Variants in GALNT18 observed in about 807,000 individuals in gnomAD.
GALNT18 encodes the protein GalNAc-transferase 18.
In GALNT18, 44 loss-of-function variants were observed where a neutral mutation model predicts 69.5. The ratio of observed to expected loss-of-function variants is 0.63; its 90% confidence interval spans 0.50 to 0.81. The LOEUF (loss-of-function observed/expected upper bound fraction) is 0.81, where lower values mean the gene tolerates loss of function less well. Among genes scored for constraint, GALNT18 ranks in the 40% least tolerant of loss-of-function variants. The probability of loss-of-function intolerance (pLI) is 0.00; values close to 1 mark genes in which losing one functional copy is unlikely to be tolerated. For missense variants in GALNT18, 715 were observed against 810.0 expected (o/e 0.88, Z 1.42); for synonymous variants, 364 against 318.2 (o/e 1.14, Z -1.53).
At position 11,573,688 on chromosome 11, in the gene GALNT18, T is replaced by C. The variant is rs1858849605; in HGVS notation, c.235+47671A>G. ...TCTCCGAGGAGAGAAAGAATTTCTC[T>C]CCAGCCAAAAGCTTCATGAGATGGA... On this transcript the variant is annotated intron_variant, in intron 1 of 10. Coordinates refer to ENST00000227756, the MANE Select transcript of GALNT18 (RefSeq NM_198516.3). The surrounding 1 kb of genome is among the most constrained non-coding windows in gnomAD (Gnocchi z 4.6). The C allele has an allele frequency of 1.3e-5, 2 of 152,180 alleles. No individual in the cohort carries two copies. The highest frequency in any genetic ancestry group is 2.4e-5 in the African/African-American group (1 of 41,446). The allele number at this position is 152,180 out of a possible 1,614,324, so 9.4% of individuals were successfully genotyped here.
Position 11,389,719 on chromosome 11 carries a change from TG to T in GALNT18, c.596-10456del, listed in dbSNP as rs1201358183. Among the ~76,000 whole-genome samples, 1 of 152,068 alleles carries T rather than the reference TG, an allele frequency of 6.6e-6. No individual in the cohort carries two copies. Among genetic ancestry groups the T allele is most frequent in the Non-Finnish European group, 1.5e-5 (1 of 68,010 alleles). ...AGGGCGTACCAAGAACTCAAAGCCT[TG>T]GGAATTGCTGGCAGATAGTGTTTAA... On this transcript the variant is annotated intron_variant, in intron 3 of 10. Transcript: ENST00000227756. This position sits in a 1 kb window ranked among gnomAD's most constrained non-coding sequence, Gnocchi z 4.3.
At chr11:11,310,462 C>T (rs1216280600) in intron 9 of GALNT18, among the ~76,000 whole-genome samples, 6 of 152,148 alleles carry the variant, frequency 3.9e-5, no homozygotes, top group Non-Finnish European at 7.3e-5. Flanking sequence ...AAAAATGCTG[C>T]GGAGATGTAA....
intron 1 of GALNT18, among the ~76,000 whole-genome samples, chr11:11,504,439 GAAAA>G (rs11379207): frequency 6.7e-6 from 1 of 150,154 alleles, no homozygotes; most frequent in Non-Finnish European, 1.5e-5. Flanking sequence ...TTATTGAAAA[GAAAA>G]AAAAAACTTG....
chr11:11,505,005 C>T lies in GALNT18; in HGVS notation c.236-56069G>A, dbSNP rs1337727206. 6.6e-6 allele frequency among the ~76,000 whole-genome samples: 1 copy of T among 152,154 alleles called. No homozygotes were observed. The highest frequency in any genetic ancestry group is 2.4e-5 in the African/African-American group (1 of 41,418). Reference sequence around the variant, plus strand: ...AGGAAGCTACAAGCACATAAACACACAACTGCAACATCAAAGTGTTGGAAG... The same window carrying T: ...AGGAAGCTACAAGCACATAAACACATAACTGCAACATCAAAGTGTTGGAAG... On this transcript the variant is annotated intron_variant, in intron 1 of 10. Transcript: ENST00000227756. The surrounding 1 kb of genome is among the most constrained non-coding windows in gnomAD (Gnocchi z 4.6).
intron 8 of GALNT18, among the ~76,000 whole-genome samples, chr11:11,330,410 C>A (rs560194028): frequency 6.6e-6 from 1 of 152,214 alleles, no homozygotes; most frequent in Non-Finnish European, 1.5e-5. Context: ...CCATCTTCAG[C>A]CAGTTGCCCC....
intron 6 of GALNT18, among the ~76,000 whole-genome samples, chr11:11,363,099 C>T (rs1278967657): frequency 6.6e-6 from 1 of 152,076 alleles, no homozygotes; most frequent in Admixed American, 6.6e-5. Flanking sequence ...AATATATATT[C>T]ACATTTTCTT....
intron 3 of GALNT18, among the ~76,000 whole-genome samples, chr11:11,385,376 A>G (rs902226750): frequency 4.6e-5 from 7 of 151,878 alleles, no homozygotes; most frequent in Non-Finnish European, 7.4e-5. Context: ...GCTCACTGCA[A>G]GCTCCGCCTC....
chr11:11,290,076 G>A (rs1849270256), intron 10 of GALNT18, among the ~76,000 whole-genome samples: 1 of 152,068 alleles, frequency 6.6e-6, no homozygotes, highest in Admixed American at 6.6e-5. Context: ...AGAGGCCACT[G>A]CTCATCCTCC....
At chr11:11,561,753 T>C (rs1234863933) in intron 1 of GALNT18, among the ~76,000 whole-genome samples, 1 of 152,134 alleles carries the variant, frequency 6.6e-6, no homozygotes, top group African/African-American at 2.4e-5. Flanking sequence ...AAATCCTGGG[T>C]TCCCAAGCAG....
chr11:11,446,811 C>G (rs1301203559), intron 2 of GALNT18, among the ~76,000 whole-genome samples: 1 of 152,200 alleles, frequency 6.6e-6, no homozygotes, highest in African/African-American at 2.4e-5. Context: ...TCCCATGGAT[C>G]TCTGTCTCAC....
At chr11:11,296,916 G>A (rs11601477) in intron 9 of GALNT18, among the ~76,000 whole-genome samples, 36,980 of 152,100 alleles carry the variant, frequency 0.24, 5,071 homozygotes, top group East Asian at 0.37. Flanking sequence ...CAAATTGCTC[G>A]AACACAAAAA....
intron 9 of GALNT18, among the ~76,000 whole-genome samples, chr11:11,293,787 G>A (rs1336550010): frequency 2.6e-5 from 4 of 152,050 alleles, no homozygotes; most frequent in Admixed American, 6.6e-5. Context: ...TGATCTGCCT[G>A]CCTTGAATCC....
At position 11,600,198 on chromosome 11, in the gene GALNT18, T is replaced by C. The variant is rs1859600054; in HGVS notation, c.235+21161A>G. Among the ~76,000 whole-genome samples, 2 of 152,118 alleles carry C rather than the reference T, an allele frequency of 1.3e-5. No individual in the cohort carries two copies. The highest frequency in any genetic ancestry group is 2.9e-5 in the Non-Finnish European group (2 of 67,928). ...AAATATACAAATACGTTGTTTTTTA[T>C]AATGGCTTATATAATTACCTTTAGT... On this transcript the variant is annotated intron_variant, in intron 1 of 10. Transcript: ENST00000227756. This position sits in a 1 kb window ranked among gnomAD's most constrained non-coding sequence, Gnocchi z 4.8.
Position 11,590,540 on chromosome 11 carries a change from AG to A in GALNT18, c.235+30818del, listed in dbSNP as rs1159950038. Among the ~76,000 whole-genome samples the A allele has an allele frequency of 1.3e-5, 2 of 152,238 alleles. No individual in the cohort carries two copies. The highest frequency in any genetic ancestry group is 4.8e-5 in the African/African-American group (2 of 41,478). On this transcript the variant is annotated intron_variant, in intron 1 of 10. Transcript: ENST00000227756. The surrounding 1 kb of genome is among the most constrained non-coding windows in gnomAD (Gnocchi z 4.4). ...GGCTGTTCTGCTGCATCAGTGCAAC[AG>A]GGATATACTAGTGAGATATCACTCC...
At chr11:11,406,294 A>T (rs1032123332) in intron 3 of GALNT18, among the ~76,000 whole-genome samples, 1 of 152,178 alleles carries the variant, frequency 6.6e-6, no homozygotes, top group African/African-American at 2.4e-5. Context: ...AATCATCATA[A>T]TGTCTGCAGT....
chr11:11,521,659 C>T (rs991884985), intron 1 of GALNT18, among the ~76,000 whole-genome samples: 11 of 152,108 alleles, frequency 7.2e-5, no homozygotes, highest in African/African-American at 1.9e-4. Flanking sequence ...ATTACAGTGG[C>T]GGGAGAACAA....
At chr11:11,360,762 A>G (rs1391557056) in intron 6 of GALNT18, among the ~76,000 whole-genome samples, 5 of 151,836 alleles carry the variant, frequency 3.3e-5, no homozygotes, top group Non-Finnish European at 7.4e-5. Context: ...TTTAGCTTTT[A>G]TAGTTTTTGC....
Position 11,436,006 on chromosome 11 carries a change from T to C in GALNT18, c.429-3219A>G, listed in dbSNP as rs1855392539. On this transcript the variant is annotated intron_variant, in intron 2 of 10. Transcript: ENST00000227756. This position sits in a 1 kb window ranked among gnomAD's most constrained non-coding sequence, Gnocchi z 4.5. ...ACAGCCATGCTGCCGCTGTGGCCTC[T>C]CTCTCGGCATCAGGAGACACCTTTC... Among the ~76,000 whole-genome samples, 1 of 152,244 alleles carries C rather than the reference T, an allele frequency of 6.6e-6. No individual in the cohort carries two copies. Among genetic ancestry groups the C allele is most frequent in the African/African-American group, 2.4e-5 (1 of 41,470 alleles).
intron 1 of GALNT18, among the ~76,000 whole-genome samples, chr11:11,533,447 CCA>C (rs1249219070): frequency 6.6e-6 from 1 of 152,198 alleles, no homozygotes; most frequent in Admixed American, 6.5e-5. Context: ...TGTTCCAATG[CCA>C]CAGTGCTCTT....
Sources: gnomAD v4.1 joint callset for allele counts (sites outside exome capture counted in the v4.1 genomes callset) on GRCh38, gnomAD v4.1.1 for gene constraint, Gnocchi (gnomAD v3.1) non-coding constraint, MANE v1.5 for transcripts, NCBI Gene and HGNC (gene_info 2026-07-23, HGNC 2026-07-21) for gene names.